The following BSN variants were observed in gnomAD, a reference collection of about 807,000 sequenced individuals.
BSN encodes bassoon presynaptic cytomatrix protein, also known as protein bassoon.
BSN carries 57 observed loss-of-function variants against 264.8 expected under a neutral mutation model. The observed-to-expected ratio is 0.22, with a 90% CI of 0.17 to 0.27. BSN has a LOEUF of 0.27. BSN is among the 10% of genes least tolerant of loss of function. The probability of loss-of-function intolerance (pLI) is 1.00; values close to 1 mark genes in which losing one functional copy is unlikely to be tolerated. For missense variants in BSN, 4,615 were observed against 5,232.5 expected (o/e 0.88, Z 3.64); for synonymous variants, 2,059 against 2,137.3 (o/e 0.96, Z 1.01).
intron 5 of BSN, 137 bp downstream of exon 5, chr3:49,658,333 G>T: frequency 9.2e-7 from 1 of 1,082,294 alleles, no homozygotes; most frequent in Non-Finnish European, 1.3e-6. Context: ...GAGTCAATGA[G>T]CAGATGCTCC....
Position 49,571,302 on chromosome 3 carries a change from G to T in BSN, c.224+16476G>T, listed in dbSNP as rs546528930. Reference sequence around the variant, plus strand: ...GGGCAGGACAGGGAAGAGGAGCCTGGGTTTCCTAGCTCCAGCCTCTGCTTG... The same window carrying T: ...GGGCAGGACAGGGAAGAGGAGCCTGTGTTTCCTAGCTCCAGCCTCTGCTTG... On this transcript the variant is annotated intron_variant, in intron 1 of 11. Transcript: ENST00000296452. Among the ~76,000 whole-genome samples, 6 of 152,174 alleles carry T rather than the reference G, an allele frequency of 3.9e-5. No homozygotes were observed. The South Asian group carries it at 1.2e-3, about 32-fold the overall frequency.
rs2052540098 is a variant in BSN, at chr3:49,651,402, G to A, written c.1987-141G>A. ...CCTTCAGGTTATTCAAGGCCAGAAG[G>A]AGATAGGGTGGGTGGCGGGCCCTAA... On this transcript the variant is annotated intron_variant, in intron 4 of 11. Transcript: ENST00000296452. The surrounding 1 kb of genome is among the most constrained non-coding windows in gnomAD (Gnocchi z 5.4). 1.1e-6 allele frequency: 1 copy of A among 921,026 alleles called. No individual in the cohort carries two copies. The highest frequency in any genetic ancestry group is 1.6e-6 in the Non-Finnish European group (1 of 620,192). 57.1% of individuals were successfully genotyped at this position (921,026 alleles called of 1,614,324 possible).
Position 49,619,729 on chromosome 3 carries a change from C to A in BSN, c.225-5246C>A, listed in dbSNP as rs530219214. On this transcript the variant is annotated intron_variant, in intron 1 of 11. Transcript: ENST00000296452. Reference sequence around the variant, plus strand: ...TGTAGCCAACTGCTATAGGGAGGAACTTTAGGTATTGTTCCTGAAGTTCTC... The same window carrying A: ...TGTAGCCAACTGCTATAGGGAGGAAATTTAGGTATTGTTCCTGAAGTTCTC... Among the ~76,000 whole-genome samples, 9 of 152,244 alleles carry A rather than the reference C, an allele frequency of 5.9e-5. No individual in the cohort carries two copies. The South Asian group carries it at 1.7e-3, about 28-fold the overall frequency.
In BSN at chr3:49,663,305, A is replaced by G; in HGVS notation, c.11147A>G (p.His3716Arg). Residue 3716 changes from histidine to arginine, a missense_variant, in exon 7 of 12, where the codon CAT becomes CGT. By Grantham distance (29) the His-to-Arg change is conservative (BLOSUM62 0). This residue lies in a region of BSN where 3,415 missense variants were observed against 3,866.4 expected (regional missense o/e 0.88). Transcript: ENST00000296452. ...CCATCCCGTGCTTCATCCGCATACC[A>G]TCATGCCTCTGACAGCAAGAAGGGC... Reference protein sequence around the residue: ...SQPSRASSAYHHASDSKKGSR... With the variant: ...SQPSRASSAYRHASDSKKGSR... 6.2e-7 allele frequency: 1 copy of G among 1,614,068 alleles called. No individual in the cohort carries two copies. Among genetic ancestry groups the G allele is most frequent in the Non-Finnish European group, 8.5e-7 (1 of 1,180,018 alleles).
rs1274603602 is a variant in BSN, at chr3:49,663,345, C to T, written c.11187C>T (p.His3729=). The T allele has an allele frequency of 6.2e-7, 1 of 1,613,740 alleles. No individual in the cohort carries two copies. The highest frequency in any genetic ancestry group is 1.1e-5 in the South Asian group (1 of 91,090). The change falls in exon 7 of 12, where the codon CAC becomes CAT. Residue 3729 remains histidine (H), a synonymous_variant. Coordinates refer to ENST00000296452, the MANE Select transcript of BSN (RefSeq NM_003458.4). ...SDSKKGSRQA[H]SGPAALQSKA... The stretch of plus-strand genomic sequence containing the variant: ...GCAAGAAGGGCTCCCGGCAAGCCCA[C>T]TCCGGGCCCGCTGCACTGCAGTCAA...
At chr3:49,593,457 G>A (rs1351433971) in intron 1 of BSN, among the ~76,000 whole-genome samples, 2 of 152,276 alleles carry the variant, frequency 1.3e-5, no homozygotes, top group Middle Eastern at 3.4e-3. Context: ...TGCATGCTTA[G>A]TTTTTAAAGA....
chr3:49,639,588 T>TA (rs1279237875), intron 2 of BSN, among the ~76,000 whole-genome samples: 2 of 152,204 alleles, frequency 1.3e-5, no homozygotes, highest in African/African-American at 4.8e-5. Flanking sequence ...TCACTGTTCT[T>TA]AGAGTTTCTA....
At chr3:49,613,189 C>T (rs1192991065) in intron 1 of BSN, among the ~76,000 whole-genome samples, 3 of 151,776 alleles carry the variant, frequency 2.0e-5, no homozygotes, top group Admixed American at 6.6e-5. Flanking sequence ...GAAAAACACA[C>T]ATATTCAACC....
At chr3:49,580,706 G>A (rs970254733) in intron 1 of BSN, among the ~76,000 whole-genome samples, 9 of 152,102 alleles carry the variant, frequency 5.9e-5, no homozygotes, top group Admixed American at 5.9e-4. Flanking sequence ...CAATCCTCCT[G>A]CCTCTGCCTC....
chr3:49,581,449 CTG>C (rs1416421560), intron 1 of BSN, among the ~76,000 whole-genome samples: 1 of 152,124 alleles, frequency 6.6e-6, no homozygotes, highest in African/African-American at 2.4e-5. Flanking sequence ...ATTGTTATAA[CTG>C]TTCTATTTTA....
At chr3:49,645,723 T>C (rs2108075284) in intron 3 of BSN, among the ~76,000 whole-genome samples, 1 of 152,338 alleles carries the variant, frequency 6.6e-6, no homozygotes, top group East Asian at 1.9e-4. Flanking sequence ...CCACTTGGCA[T>C]CCTGAGCAAT....
chr3:49,568,728 G>A (rs569526009), intron 1 of BSN, among the ~76,000 whole-genome samples: 1 of 152,284 alleles, frequency 6.6e-6, no homozygotes, highest in East Asian at 1.9e-4. Context: ...CCAGTCTTTT[G>A]CTCTTACAAA....
chr3:49,595,935 T>C (rs1035749013), intron 1 of BSN, among the ~76,000 whole-genome samples: 2 of 152,154 alleles, frequency 1.3e-5, no homozygotes, highest in African/African-American at 2.4e-5. Flanking sequence ...AAAAAAGAAA[T>C]ATGTAGTTTT....
chr3:49,554,724 C>T lies in BSN; in HGVS notation c.122C>T (p.Ala41Val). The T allele has an allele frequency of 2.5e-6, 3 of 1,218,864 alleles. No individual in the cohort carries two copies. The highest frequency in any genetic ancestry group is 3.1e-6 in the Non-Finnish European group (3 of 975,914). 75.5% of individuals were successfully genotyped at this position (1,218,864 alleles called of 1,614,324 possible). ...PGAGKPPSAP[A>V]GGGQLPAAGA... ...GCAGGAAAGCCGCCTTCAGCACCGG[C>T]CGGTGGCGGACAGCTCCCCGCGGCG... Residue 41 changes from alanine (A) to valine (V), a missense_variant, in exon 1 of 12, where the codon GCC becomes GTC. Physicochemically the swap from Ala to Val is moderately conservative, Grantham distance 64 (BLOSUM62 0). Coordinates refer to ENST00000296452, the MANE Select transcript of BSN (RefSeq NM_003458.4).
At chr3:49,611,923 T>G (rs1460316110) in intron 1 of BSN, among the ~76,000 whole-genome samples, 1 of 152,132 alleles carries the variant, frequency 6.6e-6, no homozygotes, top group Non-Finnish European at 1.5e-5. Context: ...CTTCCCTCCC[T>G]CTATTTCTCT....
At chr3:49,605,539 TTA>T (rs373443855) in intron 1 of BSN, among the ~76,000 whole-genome samples, 2,308 of 7,308 alleles carry the variant, frequency 0.32, 722 homozygotes, top group African/African-American at 0.38. Context: ...ATAATATATA[TTA>T]TATATATTTT....
In BSN at chr3:49,569,220, G is replaced by T. The variant is rs559690323; in HGVS notation, c.224+14394G>T. Among the ~76,000 whole-genome samples the T allele has an allele frequency of 3.3e-5, 5 of 152,144 alleles. No individual in the cohort carries two copies. In the East Asian group the frequency reaches 9.7e-4, roughly 29 times the overall value. On this transcript the variant is annotated intron_variant, in intron 1 of 11. Coordinates refer to ENST00000296452, the MANE Select transcript of BSN (RefSeq NM_003458.4). Reference sequence around the variant, plus strand: ...GGTAGGCAGCTGGGTATTCAAGTCTGGGTTGGAAAAATAAAGTAGCACTTC... The same window carrying T: ...GGTAGGCAGCTGGGTATTCAAGTCTTGGTTGGAAAAATAAAGTAGCACTTC...
At position 49,654,969 on chromosome 3, in the gene BSN, C is replaced by T. The variant is rs2052583513; in HGVS notation, c.5413C>T (p.Pro1805Ser). 1 of 1,612,710 alleles carries T rather than the reference C, an allele frequency of 6.2e-7. No individual in the cohort carries two copies. Among genetic ancestry groups the T allele is most frequent in the Non-Finnish European group, 8.5e-7 (1 of 1,179,556 alleles). ...REAKFARYNL[P>S]NQVAPLARRD... ...GGCCAAGTTTGCCAGATATAACCTA[C>T]CCAACCAAGTAGCTCCTCTGGCCAG... is the stretch of plus-strand genomic sequence containing the variant. The change falls in exon 5 of 12, where the codon CCC becomes TCC. Residue 1805 changes from proline (P) to serine (S), a missense_variant. This residue lies in a region of BSN where 3,415 missense variants were observed against 3,866.4 expected (regional missense o/e 0.88). Coordinates refer to ENST00000296452, the MANE Select transcript of BSN (RefSeq NM_003458.4). The surrounding 1 kb of genome is among the most constrained non-coding windows in gnomAD (Gnocchi z 4.1).
intron 1 of BSN, among the ~76,000 whole-genome samples, chr3:49,601,976 C>T (rs946894753): frequency 2.0e-5 from 3 of 152,148 alleles, no homozygotes; most frequent in African/African-American, 7.2e-5. Context: ...CATCACTGGC[C>T]CTGCCTGTCT....
Sources: allele counts gnomAD v4.1 joint callset (sites outside exome capture counted in the v4.1 genomes callset), GRCh38; gene constraint gnomAD v4.1.1; regional missense constraint gnomAD v4.1.1; non-coding constraint Gnocchi (gnomAD v3.1); transcripts MANE v1.5; gene names NCBI Gene and HGNC (gene_info 2026-07-23, HGNC 2026-07-21).